Variants in TANGO2 observed in about 807,000 individuals in gnomAD.
TANGO2 encodes the protein transport and golgi organization 2 homolog, also known as transport and Golgi organization protein 2 homolog.
Under a neutral mutation model 39.1 loss-of-function variants are expected in TANGO2, and 26 were observed. The observed-to-expected ratio is 0.67, with a 90% CI of 0.49 to 0.92. The LOEUF (loss-of-function observed/expected upper bound fraction) is 0.92, where lower values mean the gene tolerates loss of function less well. TANGO2 is among the 40% of genes least tolerant of loss of function. The pLI is 0.00. For missense variants in TANGO2, 326 were observed against 360.1 expected (o/e 0.91, Z 0.77); for synonymous variants, 131 against 144.5 (o/e 0.91, Z 0.67).
chr22:20,036,161 G>C (rs183191914), intron 1 of TANGO2, among the ~76,000 whole-genome samples: 3 of 152,232 alleles, frequency 2.0e-5, no homozygotes, highest in African/African-American at 7.2e-5. Context: ...AGCAAGACAA[G>C]CCCCCAAAAA....
At chr22:20,050,561 A>G (rs984343076) in intron 3 of TANGO2, among the ~76,000 whole-genome samples, 1 of 150,646 alleles carries the variant, frequency 6.6e-6, no homozygotes, top group Non-Finnish European at 1.5e-5. Context: ...ATGGGGTTTC[A>G]TCATATTGGC....
intron 3 of TANGO2, among the ~76,000 whole-genome samples, chr22:20,052,091 T>C (rs2046432939): frequency 6.6e-6 from 1 of 152,206 alleles, no homozygotes; most frequent in Admixed American, 6.5e-5. Context: ...TGCATCCTGC[T>C]GGGTGAGGAC....
chr22:20,023,813 G>A (rs1469301916), intron 1 of TANGO2, among the ~76,000 whole-genome samples: 5 of 150,232 alleles, frequency 3.3e-5, no homozygotes, highest in East Asian at 2.0e-4. Context: ...AGCCGGGATC[G>A]TGCCACTGCA....
At chr22:20,019,203 C>T (rs1473405956), upstream of TANGO2, 3 of 152,254 alleles carry the variant, frequency 2.0e-5, no homozygotes, top group South Asian at 2.1e-4. Context: ...AGCTGTGAGG[C>T]CCCCGGAGAA....
rs1602454845 is a variant in TANGO2 at position 20,066,194 on chromosome 22, G to A, written c.*1532G>A. 1.3e-5 allele frequency: 2 copies of A among 153,138 alleles called. No homozygotes were observed. The highest frequency in any genetic ancestry group is 2.4e-5 in the African/African-American group (1 of 41,590). 9.5% of individuals were successfully genotyped at this position (153,138 alleles called of 1,614,324 possible). On this transcript the variant is annotated 3_prime_UTR_variant, in exon 9 of 9. Coordinates refer to ENST00000327374, the MANE Select transcript of TANGO2 (RefSeq NM_152906.7). ...GTCGCAATGGAGGCCCCACTGGAGC[G>A]GGAGGCAGGCTGGCCTGGACTTCTG...
chr22:20,037,156 C>A, intron 2 of TANGO2: 1 of 1,478,770 alleles, frequency 6.8e-7, no homozygotes, highest in South Asian at 1.4e-5. Flanking sequence ...TGAGGAGGGT[C>A]GGGCGGCAGA....
chr22:20,040,982 T>C (rs532487284), intron 2 of TANGO2, among the ~76,000 whole-genome samples: 1 of 152,282 alleles, frequency 6.6e-6, no homozygotes, highest in South Asian at 2.1e-4. Flanking sequence ...AAGGCTTCCA[T>C]AGCAGACCCC....
upstream of TANGO2, chr22:20,019,203 C>G (rs1473405956): frequency 6.6e-6 from 1 of 152,254 alleles, no homozygotes; most frequent in Non-Finnish European, 1.5e-5. Flanking sequence ...AGCTGTGAGG[C>G]CCCCGGAGAA....
chr22:20,038,811 C>A (rs2043334893), intron 2 of TANGO2, among the ~76,000 whole-genome samples: 2 of 152,068 alleles, frequency 1.3e-5, no homozygotes, highest in South Asian at 4.1e-4. Context: ...TCTATGGAGC[C>A]CCTGACAGCA....
At chr22:20,017,284 G>A (rs1275122553), upstream of TANGO2, 2 of 152,314 alleles carry the variant, frequency 1.3e-5, no homozygotes, top group African/African-American at 2.4e-5. Flanking sequence ...AGCCGCGAGA[G>A]AGAGTTCTGC....
chr22:20,056,434 A>C (rs998066804), intron 6 of TANGO2: 4 of 462,698 alleles, frequency 8.6e-6, no homozygotes, highest in Non-Finnish European at 1.7e-5. Context: ...ACACAGATGC[A>C]CGCCTCCTGC....
chr22:20,056,294 A>G, intron 6 of TANGO2: 1 of 642,096 alleles, frequency 1.6e-6, no homozygotes, highest in East Asian at 3.1e-5. Context: ...GGCCACCCCC[A>G]GCCTCACTTC....
chr22:20,045,487 T>G (rs1198961133), intron 3 of TANGO2, among the ~76,000 whole-genome samples: 1 of 148,482 alleles, frequency 6.7e-6, no homozygotes, highest in Non-Finnish European at 1.5e-5. Flanking sequence ...CATAAAAATT[T>G]GGCCATCACT....
intron 2 of TANGO2, 78 bp from the exon 3 acceptor site, chr22:20,043,277 G>C (rs1175434416): frequency 8.8e-7 from 1 of 1,134,762 alleles, no homozygotes; most frequent in African/African-American, 1.5e-5. Context: ...ACTGAGGCCA[G>C]TTTTGTGTGT....
chr22:20,061,309 G>T (rs1237224761), intron 6 of TANGO2: 8 of 489,840 alleles, frequency 1.6e-5, no homozygotes, highest in Non-Finnish European at 2.9e-5. Context: ...GGTCTCCTGT[G>T]GGTGCCCGCT....
intron 8 of TANGO2, 92 bp from the exon 9 acceptor site, chr22:20,064,450 T>C: frequency 6.5e-7 from 1 of 1,534,684 alleles, no homozygotes; most frequent in Non-Finnish European, 8.9e-7. Context: ...TTCCTAACTC[T>C]ACCTGCCTGC....
intron 1 of TANGO2, among the ~76,000 whole-genome samples, chr22:20,029,524 A>T (rs913960395): frequency 6.6e-6 from 1 of 152,174 alleles, no homozygotes; most frequent in Non-Finnish European, 1.5e-5. Context: ...GAGGACGGGA[A>T]GCCCTTGGCT....
chr22:20,030,079 C>T (rs2041547859), intron 1 of TANGO2, among the ~76,000 whole-genome samples: 1 of 151,648 alleles, frequency 6.6e-6, no homozygotes, highest in Non-Finnish European at 1.5e-5. Flanking sequence ...CAGTGCCTCA[C>T]ACTCCAGCGC....
At position 20,035,969 on chromosome 22, in the gene TANGO2, G is replaced by A. The variant is rs573555912; in HGVS notation, c.-39-791G>A. Among the ~76,000 whole-genome samples the A allele has an allele frequency of 3.3e-5, 5 of 152,208 alleles. No homozygotes were observed. The South Asian group carries it at 8.3e-4, about 25-fold the overall frequency. On this transcript the variant is annotated intron_variant, in intron 1 of 8. Coordinates refer to ENST00000327374, the MANE Select transcript of TANGO2 (RefSeq NM_152906.7). ...GTGCTTGTCGGCCTCCACTTTCCCC[G>A]CACTTAGTTGCCTTCACCCGAACCA...
Sources: gnomAD v4.1 joint callset for allele counts (sites outside exome capture counted in the v4.1 genomes callset) on GRCh38, gnomAD v4.1.1 for gene constraint, MANE v1.5 for transcripts, NCBI Gene and HGNC (gene_info 2026-07-23, HGNC 2026-07-21) for gene names.